Variants in PSAP observed in about 807,000 individuals in gnomAD.
The protein encoded by PSAP is precursor of saposins.
In PSAP, 25 loss-of-function variants were observed where a neutral mutation model predicts 66.0. The observed-to-expected ratio is 0.38, with a 90% confidence interval of 0.28 to 0.53. The LOEUF is 0.53. PSAP is among the 20% of genes least tolerant of loss of function. The probability of loss-of-function intolerance (pLI) is 0.83; values close to 1 mark genes in which losing one functional copy is unlikely to be tolerated. For missense variants in PSAP, 649 were observed against 668.8 expected (o/e 0.97, Z 0.33); for synonymous variants, 273 against 258.9 (o/e 1.05, Z -0.52).
Position 71,817,255 on chromosome 10 carries a change from T to C in PSAP, c.*186A>G. The C allele has an allele frequency of 1.4e-6, 1 of 732,634 alleles. No individual in the cohort carries two copies. The highest frequency in any genetic ancestry group is 2.5e-6 in the Non-Finnish European group (1 of 406,616). The allele number at this position is 732,634 out of a possible 1,614,324, so 45.4% of individuals were successfully genotyped here. A position where few individuals can be genotyped will look rare whatever the true frequency, so the allele number is the denominator to read the frequency against. ...GAGAAAAGGGGCACTGAAGCAGCTA[T>C]GTCTGCCAGGGGCTAGGGGCTCCCT... On this transcript the variant is annotated 3_prime_UTR_variant, in exon 14 of 14. Transcript: ENST00000394936.
intron 1 of PSAP, among the ~76,000 whole-genome samples, chr10:71,840,933 A>T (rs1842722021): frequency 6.6e-6 from 1 of 152,258 alleles, no homozygotes; most frequent in African/African-American, 2.4e-5. Context: ...TAACTAGTTC[A>T]TTCAAGGGTA....
intron 1 of PSAP, chr10:71,844,882 T>G (rs141590864): frequency 1.3e-5 from 2 of 152,328 alleles, no homozygotes; most frequent in African/African-American, 4.8e-5. Flanking sequence ...TAACCATAGC[T>G]TCCTTTTCTA....
At chr10:71,851,249 TGCGGA>T in exon 1 of PSAP, 1 of 1,550,362 alleles carries the variant, frequency 6.5e-7, no homozygotes, top group Non-Finnish European at 8.7e-7. Flanking sequence ...CAGTCTGCAA[TGCGGA>T]GCGTCAGCTG....
chr10:71,829,374 T>C (rs944803584), intron 4 of PSAP, among the ~76,000 whole-genome samples: 37 of 152,178 alleles, frequency 2.4e-4, no homozygotes, highest in African/African-American at 8.4e-4. Flanking sequence ...CCACGTGTCA[T>C]GTGAGGGACC....
chr10:71,822,006 T>G lies in PSAP; in HGVS notation c.779A>C (p.Gln260Pro), dbSNP rs1842310709. The G allele has an allele frequency of 6.2e-7, 1 of 1,614,044 alleles. No homozygotes were observed. Among genetic ancestry groups the G allele is most frequent in the African/African-American group, 1.3e-5 (1 of 74,922 alleles). Residue 260 changes from glutamine (Q) to proline (P), a missense_variant and splice_region_variant, in exon 8 of 14, where the codon CAA becomes CCA. Coordinates refer to ENST00000394936, the MANE Select transcript of PSAP (RefSeq NM_002778.4). ...AACCAGCGCACAGATCTCCTTGGGTTGCTGAAGAGAGCACAGAACAACCAG... is the reference window on the plus strand; with the variant it reads ...AACCAGCGCACAGATCTCCTTGGGTGGCTGAAGAGAGCACAGAACAACCAG... ...EIAIQMMMHM[Q>P]PKEICALVGF...
At chr10:71,834,046 A>C (rs1217323070) in intron 2 of PSAP, among the ~76,000 whole-genome samples, 1 of 152,204 alleles carries the variant, frequency 6.6e-6, no homozygotes, top group Non-Finnish European at 1.5e-5. Context: ...CTCTTATCTA[A>C]GGTGAGAAGT....
chr10:71,825,881 T>C lies in PSAP; in HGVS notation c.733A>G (p.Ile245Val). ...PGMADICKNY[I>V]SQYSEIAIQM... is the part of the protein sequence containing the mutation. ...ATAGCAATTTCAGAATACTGGCTGA[T>C]ATAGTTCTTGCACTGAGGAGAGAGA... is the stretch of plus-strand genomic sequence containing the variant. Residue 245 changes from isoleucine (I) to valine (V), a missense_variant, in exon 7 of 14, where the codon ATC becomes GTC. By Grantham distance (29) the Ile-to-Val change is conservative. Transcript: ENST00000394936. 2 of 1,613,626 alleles carry C rather than the reference T, an allele frequency of 1.2e-6. No individual in the cohort carries two copies. The highest frequency in any genetic ancestry group is 2.2e-5 in the South Asian group (2 of 91,076).
In PSAP at chr10:71,845,639, C is replaced by T. The variant is rs112649692; in HGVS notation, c.40+5543G>A. ...CATTCTACTGACTGACCTGGCTTCC[C>T]ACGTCCATCTATTATCTACTCTAAA... On this transcript the variant is annotated intron_variant, in intron 1 of 13. Transcript: ENST00000394936. Among the ~76,000 whole-genome samples, 248 of 152,272 alleles carry T rather than the reference C, an allele frequency of 1.6e-3. 1 individual carries two copies. In the Middle Eastern group the frequency reaches 0.037, roughly 23 times the overall value.
chr10:71,841,631 G>A (rs781033628), intron 1 of PSAP, among the ~76,000 whole-genome samples: 4 of 152,176 alleles, frequency 2.6e-5, no homozygotes, highest in South Asian at 2.1e-4. Flanking sequence ...AGCACCGTGG[G>A]AGGCAGAGGC....
At chr10:71,818,805 T>C in intron 12 of PSAP, 81 bp from the exon 13 acceptor site, 3 of 1,266,414 alleles carry the variant, frequency 2.4e-6, no homozygotes, top group Non-Finnish European at 3.5e-6. Context: ...AGAAAACAGT[T>C]TCCAGAAGGA....
Position 71,828,886 on chromosome 10 carries a change from G to C in PSAP, c.567C>G (p.Pro189=), listed in dbSNP as rs760310283. ...CAGCCCGTTGTCTTACCTTTGGCTG[G>C]GGCTTGCTGCGGGGGCCGTCCTGAG... The part of the protein sequence containing the change: ...LYPQDGPRSK[P]QPKDNGDVCQ... The change falls in exon 5 of 14, where the codon CCC becomes CCG. Residue 189 remains proline (P), a synonymous_variant. Transcript: ENST00000394936. 1.9e-6 allele frequency: 3 copies of C among 1,613,996 alleles called. No homozygotes were observed. In the South Asian group the frequency reaches 3.3e-5, roughly 18 times the overall value.
intron 1 of PSAP, among the ~76,000 whole-genome samples, chr10:71,838,434 G>GA (rs1842669200): frequency 6.7e-6 from 1 of 149,022 alleles, no homozygotes; most frequent in Non-Finnish European, 1.5e-5. Context: ...TCAGAGACAC[G>GA]CGGTCATCTC....
Position 71,828,103 on chromosome 10 carries a change from C to T in PSAP, c.631G>A (p.Ala211Thr), listed in dbSNP as rs1842429966. ...ACAAAGGTGGAGTTGGTCCGTACAG[C>T]AGTCTGGATGTCAGTCACCATCTGA... is the stretch of plus-strand genomic sequence containing the variant. ...CIQMVTDIQT[A>T]VRTNSTFVQA... is the part of the protein sequence containing the mutation. The change falls in exon 6 of 14, where the codon GCT becomes ACT. Residue 211 changes from alanine to threonine, a missense_variant. Physicochemically the swap from Ala to Thr is moderately conservative, Grantham distance 58. Transcript: ENST00000394936. The T allele has an allele frequency of 6.2e-7, 1 of 1,614,168 alleles. No individual in the cohort carries two copies. Among genetic ancestry groups the T allele is most frequent in the Non-Finnish European group, 8.5e-7 (1 of 1,180,026 alleles).
At chr10:71,846,543 G>C (rs1366013292) in intron 1 of PSAP, among the ~76,000 whole-genome samples, 2 of 151,586 alleles carry the variant, frequency 1.3e-5, no homozygotes, top group African/African-American at 4.8e-5. Context: ...TGGCTAACAT[G>C]GCAAAACCCT....
rs1842151828 is a variant in PSAP at position 71,816,319 on chromosome 10, G to A, written c.*1122C>T. On this transcript the variant is annotated 3_prime_UTR_variant, in exon 14 of 14. Transcript: ENST00000394936. ...CAGATCTGGCTAACAGAATTTTATTGTTAAATCACAGAAACTTTAGTGCAA... is the reference window on the plus strand; with the variant it reads ...CAGATCTGGCTAACAGAATTTTATTATTAAATCACAGAAACTTTAGTGCAA... 11 of 459,416 alleles carry A rather than the reference G, an allele frequency of 2.4e-5. No individual in the cohort carries two copies. Among genetic ancestry groups the A allele is most frequent in the South Asian group, 1.7e-4 (11 of 64,292 alleles). The allele number at this position is 459,416 out of a possible 1,614,324, so 28.5% of individuals were successfully genotyped here.
chr10:71,821,792 TGACTCGTAA>T, intron 8 of PSAP, 75 bp downstream of exon 8: 1 of 1,583,340 alleles, frequency 6.3e-7, no homozygotes, highest in Non-Finnish European at 8.7e-7. Flanking sequence ...AAGAAACAAG[TGACTCGTAA>T]GATGTGATGT....
intron 1 of PSAP, 132 bp from the exon 2 acceptor site, chr10:71,834,637 G>A: frequency 1.7e-6 from 2 of 1,172,986 alleles, no homozygotes; most frequent in Non-Finnish European, 2.5e-6. Flanking sequence ...CAAGCTGTAT[G>A]GGACACCAGC....
At chr10:71,822,204 G>C in intron 7 of PSAP, 197 bp from the exon 8 acceptor site, 1 of 676,874 alleles carries the variant, frequency 1.5e-6, no homozygotes, top group Non-Finnish European at 2.6e-6. Context: ...ATATGTGCCA[G>C]TTACATCTCG....
At position 71,819,886 on chromosome 10, in the gene PSAP, G is replaced by A. The variant is rs113679008; in HGVS notation, c.1020C>T (p.Asp340=). ...GCTTCGAGCACATTTTGTCAAAAGC[G>A]TCGAGTATTTCTTTCTGAAACACAC... The part of the protein sequence containing the change: ...DNNKTEKEIL[D]AFDKMCSKLP... Residue 340 remains aspartate, a synonymous_variant, in exon 10 of 14, where the codon GAC becomes GAT. Coordinates refer to ENST00000394936, the MANE Select transcript of PSAP (RefSeq NM_002778.4). 1.2e-5 allele frequency: 19 copies of A among 1,614,104 alleles called. No homozygotes were observed. Among genetic ancestry groups the A allele is most frequent in the East Asian group, 2.2e-5 (1 of 44,880 alleles).
Sources: allele counts gnomAD v4.1 joint callset (sites outside exome capture counted in the v4.1 genomes callset), GRCh38; gene constraint gnomAD v4.1.1; transcripts MANE v1.5; gene names NCBI Gene and HGNC (gene_info 2026-07-23, HGNC 2026-07-21).